Variants in TASOR observed in about 807,000 individuals in gnomAD.
TASOR encodes protein TASOR.
In TASOR, 53 loss-of-function variants were observed where a neutral mutation model predicts 178.6. That is an observed-to-expected ratio of 0.30 (90% CI 0.24 to 0.37). The LOEUF is 0.37. TASOR is among the 10% of genes least tolerant of loss of function. The probability of loss-of-function intolerance (pLI) is 1.00; values close to 1 mark genes in which losing one functional copy is unlikely to be tolerated. For missense variants in TASOR, 1,815 were observed against 1,971.4 expected (o/e 0.92, Z 1.50); for synonymous variants, 713 against 696.2 (o/e 1.02, Z -0.38).
Position 56,641,700 on chromosome 3 carries a change from C to T in TASOR, c.2268G>A (p.Gln756=). The T allele has an allele frequency of 6.2e-7, 1 of 1,614,204 alleles. No individual in the cohort carries two copies. The stretch of plus-strand genomic sequence containing the variant: ...TGCCGGAGTTACAGGTATCCTGCTG[C>T]TGCCGCCTCAAGTCAGCATCATGTC... The part of the protein sequence containing the change: ...SLGHDADLRR[Q]QQDTCNSGIA... The change falls in exon 15 of 24, where the codon CAG becomes CAA. Residue 756 remains glutamine, a synonymous_variant. Transcript: ENST00000683822.
chr3:56,679,530 A>G (rs1186330049), intron 1 of TASOR, among the ~76,000 whole-genome samples: 2 of 152,200 alleles, frequency 1.3e-5, no homozygotes, highest in Non-Finnish European at 2.9e-5. Flanking sequence ...TGACTTCAAA[A>G]AGGCAAGTGA....
chr3:56,674,813 G>A (rs938185587), intron 1 of TASOR, among the ~76,000 whole-genome samples: 4 of 152,092 alleles, frequency 2.6e-5, no homozygotes, highest in South Asian at 2.1e-4. Context: ...AGCATCTGAC[G>A]CATAGTAGGA....
In TASOR at chr3:56,621,183, C is replaced by A. The variant is rs554953089; in HGVS notation, c.*1854G>T. 5.7e-4 allele frequency: 86 copies of A among 151,466 alleles called. 1 individual carries two copies. Among genetic ancestry groups the A allele is most frequent in the Middle Eastern group, 3.0e-3 (1 of 330 alleles). 9.4% of individuals were successfully genotyped at this position (151,466 alleles called of 1,614,324 possible). On this transcript the variant is annotated 3_prime_UTR_variant, in exon 24 of 24. Transcript: ENST00000683822. ...CCAAAAAAAAACAAAACAACAACAA[C>A]AAAAAAAAAACACTGTATGTTAAGG...
At chr3:56,653,097 T>C (rs895495743) in intron 11 of TASOR, among the ~76,000 whole-genome samples, 9 of 151,426 alleles carry the variant, frequency 5.9e-5, no homozygotes, top group African/African-American at 1.9e-4. Flanking sequence ...ACCCTGTCTC[T>C]ACTAAATACA....
Position 56,621,707 on chromosome 3 carries a change from T to G in TASOR, c.*1330A>C. 1.2e-6 allele frequency: 1 copy of G among 841,320 alleles called. No individual in the cohort carries two copies. The highest frequency in any genetic ancestry group is 1.9e-6 in the Non-Finnish European group (1 of 539,500). The allele number at this position is 841,320 out of a possible 1,614,324, so 52.1% of individuals were successfully genotyped here. ...GCTCAACTGTATTTTTCAAATAGCC[T>G]AGATTTACTTATTTTTTTAAATGCT... is the stretch of plus-strand genomic sequence containing the variant. On this transcript the variant is annotated 3_prime_UTR_variant, in exon 24 of 24. Transcript: ENST00000683822.
rs1428954957 is a variant in TASOR at position 56,683,017 on chromosome 3, TA to T, written c.-12del. ...CACAGCAGTCGCCATCGCGCCGGCC[TA>T]AGGAGCTCTGGGAAGCTTCTGCCCA... On this transcript the variant is annotated 5_prime_UTR_variant, in exon 1 of 24. Transcript: ENST00000683822. 2.9e-5 allele frequency: 45 copies of T among 1,527,464 alleles called. No homozygotes were observed. The highest frequency in any genetic ancestry group is 3.9e-5 in the Non-Finnish European group (44 of 1,135,550). 94.6% of individuals were successfully genotyped at this position (1,527,464 alleles called of 1,614,324 possible). A position where few individuals can be genotyped will look rare whatever the true frequency, so the allele number is the denominator to read the frequency against.
At chr3:56,634,051 G>A in intron 17 of TASOR, 85 bp from the exon 18 acceptor site, 1 of 1,075,830 alleles carries the variant, frequency 9.3e-7, no homozygotes, top group Non-Finnish European at 1.3e-6. Context: ...GGGAAAAAAG[G>A]GTTAACACAC....
chr3:56,670,054 T>A lies in TASOR; in HGVS notation c.643+19A>T. The A allele has an allele frequency of 6.8e-7, 1 of 1,476,656 alleles. No individual in the cohort carries two copies. The highest frequency in any genetic ancestry group is 9.1e-7 in the Non-Finnish European group (1 of 1,097,496). The allele number at this position is 1,476,656 out of a possible 1,614,324, so 91.5% of individuals were successfully genotyped here. On this transcript the variant is annotated intron_variant, in intron 4 of 23. Coordinates refer to ENST00000683822, the MANE Select transcript of TASOR (RefSeq NM_001365635.2). ...CAACTTAGTAGTAGATATTTATATT[T>A]AAAAAGAAAAAAGATTACCCATGGA...
chr3:56,648,776 G>T, intron 13 of TASOR, 46 bp downstream of exon 13: 1 of 1,357,258 alleles, frequency 7.4e-7, no homozygotes, highest in Non-Finnish European at 1.0e-6. Context: ...TCAATGAAAT[G>T]TTAAGTATCT....
chr3:56,650,457 G>A (rs1369070720), intron 11 of TASOR, among the ~76,000 whole-genome samples: 6 of 152,122 alleles, frequency 3.9e-5, no homozygotes, highest in Non-Finnish European at 8.8e-5. Flanking sequence ...TTATTTTAGT[G>A]GAAGCAGGCT....
At chr3:56,646,499 A>AT (rs1052354163) in intron 14 of TASOR, 23 bp downstream of exon 14, 1 of 1,556,504 alleles carries the variant, frequency 6.4e-7, no homozygotes, top group Admixed American at 2.0e-5. Context: ...TTTGGCTGTT[A>AT]TAAGAGCAAT....
chr3:56,656,590 C>T (rs181300298), intron 11 of TASOR, among the ~76,000 whole-genome samples: 41 of 151,342 alleles, frequency 2.7e-4, no homozygotes, highest in Admixed American at 2.2e-3. Context: ...GACTCTGTCC[C>T]CCGCCCCCCC....
At position 56,625,504 on chromosome 3, in the gene TASOR, G is replaced by A. The variant is rs955503477; in HGVS notation, c.4140-498C>T. Among the ~76,000 whole-genome samples the A allele has an allele frequency of 5.3e-5, 8 of 152,142 alleles. No homozygotes were observed. The East Asian group carries it at 7.8e-4, about 15-fold the overall frequency. ...CTCTACTCAAAATTCACAATTAGCCGGATGAGGTGGCTCATGCCTGTAATC... is the reference window on the plus strand; with the variant it reads ...CTCTACTCAAAATTCACAATTAGCCAGATGAGGTGGCTCATGCCTGTAATC... On this transcript the variant is annotated intron_variant, in intron 21 of 23. Transcript: ENST00000683822.
chr3:56,657,426 G>A (rs986963787), intron 11 of TASOR, among the ~76,000 whole-genome samples: 1 of 151,438 alleles, frequency 6.6e-6, no homozygotes, highest in Admixed American at 6.6e-5. Context: ...ACTGCAAAAA[G>A]TCCTAGCCTT....
At chr3:56,623,759 C>A (rs2076739509) in intron 23 of TASOR, 193 bp from the exon 24 acceptor site, 1 of 1,549,946 alleles carries the variant, frequency 6.5e-7, no homozygotes, top group Non-Finnish European at 8.7e-7. Flanking sequence ...TAATCCGATG[C>A]TAAAAGCTTC....
rs150787858 is a variant in TASOR, at chr3:56,652,807, C to T, written c.1369-3750G>A. On this transcript the variant is annotated intron_variant, in intron 11 of 23. Coordinates refer to ENST00000683822, the MANE Select transcript of TASOR (RefSeq NM_001365635.2). ...AACATTCCCTGTGAAATTAAAAACACAATAAATAAATAAAGCAACAAATAA... is the reference window on the plus strand; with the variant it reads ...AACATTCCCTGTGAAATTAAAAACATAATAAATAAATAAAGCAACAAATAA... Among the ~76,000 whole-genome samples the T allele has an allele frequency of 3.3e-3, 496 of 152,044 alleles. 4 individuals carry two copies. Among genetic ancestry groups the T allele is most frequent in the African/African-American group, 0.012 (479 of 41,484 alleles).
At chr3:56,661,648 T>C (rs76683064) in intron 9 of TASOR, among the ~76,000 whole-genome samples, 1,790 of 152,270 alleles carry the variant, frequency 0.012, 21 homozygotes, top group Middle Eastern at 0.061. Flanking sequence ...ATTTTAGACC[T>C]TTCTATACCA....
At chr3:56,676,742 G>C (rs1316543280) in intron 1 of TASOR, among the ~76,000 whole-genome samples, 2 of 152,146 alleles carry the variant, frequency 1.3e-5, no homozygotes, top group African/African-American at 2.4e-5. Context: ...CTAATCGTAA[G>C]TAAAAAATTA....
chr3:56,674,841 T>TG (rs2107637297), intron 1 of TASOR, among the ~76,000 whole-genome samples: 1 of 152,200 alleles, frequency 6.6e-6, no homozygotes, highest in African/African-American at 2.4e-5. Context: ...TGTTTTGAGA[T>TG]GGAGTCTCGC....
Sources: gnomAD v4.1 joint callset for allele counts (sites outside exome capture counted in the v4.1 genomes callset) on GRCh38, gnomAD v4.1.1 for gene constraint, MANE v1.5 for transcripts, NCBI Gene and HGNC (gene_info 2026-07-23, HGNC 2026-07-21) for gene names.